LRRC37A2: variants seen among roughly 807,000 people sequenced by gnomAD.
LRRC37A2 encodes leucine-rich repeat-containing protein 37A2.
Under a neutral mutation model 68.8 loss-of-function variants are expected in LRRC37A2, and 9 were observed. That is an observed-to-expected ratio of 0.13 (90% CI 0.08 to 0.23). The LOEUF (loss-of-function observed/expected upper bound fraction) is 0.23. LRRC37A2 is among the 10% of genes least tolerant of loss of function. LRRC37A2 has a pLI of 1.00. For synonymous variants in LRRC37A2, 63 were observed against 367.6 expected (o/e 0.17, Z 9.48); for missense variants, 168 against 950.4 (o/e 0.18, Z 10.82).
the LRRC37A2 span, among the ~76,000 whole-genome samples, chr17:46,971,650 A>G: frequency 6.6e-6 from 1 of 152,138 alleles, no homozygotes; most frequent in African/African-American, 2.4e-5. Context: ...AGAGTACCTC[A>G]CTTTACAGAT....
rs1331741976 is a variant in LRRC37A2 at position 46,544,747 on chromosome 17, A to G, written c.3054-1508A>G. Among the ~76,000 whole-genome samples, 2 of 95,642 alleles carry G rather than the reference A, an allele frequency of 2.1e-5. 1 individual carries two copies. Among genetic ancestry groups the G allele is most frequent in the Non-Finnish European group, 3.9e-5 (2 of 51,596 alleles). The allele number at this position is 95,642 out of a possible 152,430, so 62.7% of individuals were successfully genotyped here. The stretch of plus-strand genomic sequence containing the variant: ...TCTCTGAAAGTGCCCCCAATAAGCC[A>G]CAACAATAAATTAATCAATTGTCTC... On this transcript the variant is annotated intron_variant, in intron 8 of 14. Transcript: ENST00000576629.
At chr17:46,875,270 C>T in the LRRC37A2 span, 4 of 1,614,208 alleles carry the variant, frequency 2.5e-6, no homozygotes, top group Admixed American at 3.3e-5. Context: ...ACCTCAAGTA[C>T]AGCACCAAGT....
At chr17:46,860,893 C>T in the LRRC37A2 span, among the ~76,000 whole-genome samples, 4 of 152,192 alleles carry the variant, frequency 2.6e-5, no homozygotes, top group South Asian at 6.2e-4. Context: ...GGTTCCTGCT[C>T]TGTCACCCAG....
the LRRC37A2 span, among the ~76,000 whole-genome samples, chr17:46,737,572 C>CGT: frequency 0.1 from 15,067 of 147,178 alleles, 896 homozygotes; most frequent in Non-Finnish European, 0.14. Context: ...GGTGTGTGTG[C>CGT]GTGTGTGTGT....
the LRRC37A2 span, among the ~76,000 whole-genome samples, chr17:46,967,674 G>A: frequency 1.3e-5 from 2 of 152,268 alleles, no homozygotes; most frequent in East Asian, 3.9e-4. Context: ...AGAGGGTTTA[G>A]GACAGCCCCT....
chr17:46,676,221 G>A, the LRRC37A2 span, among the ~76,000 whole-genome samples: 1 of 144,080 alleles, frequency 6.9e-6, no homozygotes, highest in Non-Finnish European at 1.5e-5. Context: ...ATCTCCTATG[G>A]GAATTCTTCT....
At chr17:47,003,151 G>A in the LRRC37A2 span, among the ~76,000 whole-genome samples, 6 of 150,434 alleles carry the variant, frequency 4.0e-5, no homozygotes, top group African/African-American at 1.5e-4. Context: ...TCAGGAGGCT[G>A]AGGCAGGTAG....
At chr17:46,551,082 G>A (rs528756529) in intron 11 of LRRC37A2, among the ~76,000 whole-genome samples, 2 of 150,088 alleles carry the variant, frequency 1.3e-5, no homozygotes, top group African/African-American at 5.1e-5. Flanking sequence ...TCACTGGTGA[G>A]GGGGAACGTC....
At chr17:46,748,252 C>T in the LRRC37A2 span, among the ~76,000 whole-genome samples, 159 of 152,184 alleles carry the variant, frequency 1.0e-3, no homozygotes, top group African/African-American at 3.5e-3. Flanking sequence ...GCTGGGATTA[C>T]AGGCACGTGT....
At chr17:46,805,927 G>C in the LRRC37A2 span, among the ~76,000 whole-genome samples, 1 of 152,214 alleles carries the variant, frequency 6.6e-6, no homozygotes, top group African/African-American at 2.4e-5. Flanking sequence ...GAGCTCTGGG[G>C]TTTACCAACC....
chr17:46,801,700 G>T, the LRRC37A2 span, among the ~76,000 whole-genome samples: 9 of 152,256 alleles, frequency 5.9e-5, no homozygotes, highest in South Asian at 2.1e-4. Context: ...AAGAAGATCC[G>T]TTGAGGCTGA....
the LRRC37A2 span, chr17:46,923,269 G>A: frequency 6.4e-7 from 1 of 1,550,454 alleles, no homozygotes; most frequent in East Asian, 2.4e-5. Context: ...GGCGAGGCCA[G>A]GTGAGCCTGG....
At chr17:46,722,327 C>T in the LRRC37A2 span, among the ~76,000 whole-genome samples, 2 of 152,216 alleles carry the variant, frequency 1.3e-5, no homozygotes, top group Non-Finnish European at 2.9e-5. Flanking sequence ...CTGGCATCTT[C>T]TGTGTTGGGG....
chr17:46,840,148 G>C, the LRRC37A2 span, among the ~76,000 whole-genome samples: 3 of 151,232 alleles, frequency 2.0e-5, no homozygotes, highest in African/African-American at 7.3e-5. Flanking sequence ...GTGCAGTGGT[G>C]TGATCTCGGC....
the LRRC37A2 span, among the ~76,000 whole-genome samples, chr17:46,858,728 AC>A: frequency 9.2e-5 from 14 of 152,310 alleles, no homozygotes; most frequent in South Asian, 2.9e-3. Flanking sequence ...AATGTGTTAC[AC>A]AATCACAGCT....
At chr17:46,503,258 T>C in the LRRC37A2 span, among the ~76,000 whole-genome samples, 1 of 146,790 alleles carries the variant, frequency 6.8e-6, no homozygotes, top group South Asian at 2.1e-4. Context: ...AACAAGCGTT[T>C]CTCTTTCTCT....
the LRRC37A2 span, among the ~76,000 whole-genome samples, chr17:47,038,759 TCTTTA>T: frequency 2.6e-5 from 2 of 77,642 alleles, no homozygotes; most frequent in African/African-American, 7.7e-5. Context: ...AGTGGCACAA[TCTTTA>T]CTCGCCGCAA....
chr17:46,859,097 C>T, the LRRC37A2 span, among the ~76,000 whole-genome samples: 2 of 152,056 alleles, frequency 1.3e-5, no homozygotes, highest in African/African-American at 4.8e-5. Flanking sequence ...CTGACTCAGC[C>T]TCCTGAGTAG....
At chr17:46,768,662 C>T in the LRRC37A2 span, 4 of 1,614,154 alleles carry the variant, frequency 2.5e-6, no homozygotes, top group Non-Finnish European at 3.4e-6. The surrounding 1 kb of genome is among the most constrained non-coding windows in gnomAD (Gnocchi z 5.0). Context: ...CTACCATCTC[C>T]GAGGCGCTGT....
Sources: gnomAD v4.1 joint callset for allele counts (sites outside exome capture counted in the v4.1 genomes callset) on GRCh38, gnomAD v4.1.1 for gene constraint, Gnocchi (gnomAD v3.1) non-coding constraint, MANE v1.5 for transcripts, NCBI Gene and HGNC (gene_info 2026-07-23, HGNC 2026-07-21) for gene names.